Variants in FRMD3 observed in about 807,000 individuals in gnomAD.
FRMD3 encodes FERM domain containing 3, also known as FERM domain-containing protein 3.
FRMD3 carries 33 observed loss-of-function variants against 70.2 expected under a neutral mutation model. The ratio of observed to expected loss-of-function variants is 0.47; its 90% confidence interval spans 0.36 to 0.63. The LOEUF is 0.63. Ranked by LOEUF, FRMD3 falls within the 20% of genes least tolerant of loss-of-function variation. FRMD3 has a pLI of 0.00. For synonymous variants in FRMD3, 279 were observed against 255.9 expected (o/e 1.09, Z -0.86); for missense variants, 632 against 711.4 (o/e 0.89, Z 1.27).
intron 13 of FRMD3, among the ~76,000 whole-genome samples, chr9:83,263,427 A>G (rs1833080655): frequency 1.8e-5 from 2 of 112,066 alleles, no homozygotes; most frequent in South Asian, 9.7e-4. Flanking sequence ...ATCTCCTGAA[A>G]GGAAGGGACT....
At chr9:83,292,227 C>T (rs999885905) in intron 12 of FRMD3, among the ~76,000 whole-genome samples, 10 of 149,848 alleles carry the variant, frequency 6.7e-5, no homozygotes, top group African/African-American at 4.9e-5. Flanking sequence ...GGTGCAATCT[C>T]GGCTCACTGC....
chr9:83,540,643 T>C (rs1829989610), upstream of FRMD3, among the ~76,000 whole-genome samples: 1 of 152,106 alleles, frequency 6.6e-6, no homozygotes, highest in Admixed American at 6.5e-5. Context: ...CAACTGGCCA[T>C]TGTCAACAAT....
intron 8 of FRMD3, among the ~76,000 whole-genome samples, chr9:83,311,121 C>T (rs1835334906): frequency 6.6e-6 from 1 of 152,122 alleles, no homozygotes; most frequent in African/African-American, 2.4e-5. Flanking sequence ...AAGTCTCCTA[C>T]AGGGCTTCTA....
At chr9:83,478,391 C>T (rs1828449761) in intron 1 of FRMD3, among the ~76,000 whole-genome samples, 3 of 152,132 alleles carry the variant, frequency 2.0e-5, no homozygotes, top group Non-Finnish European at 2.9e-5. Flanking sequence ...TCTTGAGACA[C>T]ATAAAATGAT....
At chr9:83,510,711 C>T (rs1323131642) in intron 1 of FRMD3, among the ~76,000 whole-genome samples, 3 of 152,162 alleles carry the variant, frequency 2.0e-5, no homozygotes, top group Admixed American at 2.0e-4. Context: ...CTGATAAACA[C>T]TAAACATGAG....
chr9:83,392,323 G>A (rs747922431), intron 1 of FRMD3, among the ~76,000 whole-genome samples: 3 of 152,028 alleles, frequency 2.0e-5, no homozygotes, highest in African/African-American at 4.8e-5. Context: ...CTGGAAATCC[G>A]AAGTCTGTAA....
chr9:83,335,886 A>G (rs918882561), intron 5 of FRMD3, among the ~76,000 whole-genome samples: 3 of 152,146 alleles, frequency 2.0e-5, no homozygotes, highest in Non-Finnish European at 4.4e-5. Flanking sequence ...ATAATAAAGG[A>G]TTTAAATTAC....
intron 1 of FRMD3, among the ~76,000 whole-genome samples, chr9:83,417,955 A>G (rs925650935): frequency 5.9e-5 from 9 of 152,192 alleles, no homozygotes; most frequent in Non-Finnish European, 1.2e-4. Flanking sequence ...TGCTTCCTAG[A>G]GAAGTTACAT....
At chr9:83,442,807 TC>T (rs1180037251) in intron 1 of FRMD3, among the ~76,000 whole-genome samples, 1 of 152,046 alleles carries the variant, frequency 6.6e-6, no homozygotes, top group Non-Finnish European at 1.5e-5. Context: ...TCCCCTCTCC[TC>T]CCCATCTCAT....
intron 12 of FRMD3, 71 bp from the exon 13 acceptor site, chr9:83,290,798 GC>G: frequency 6.6e-7 from 1 of 1,511,228 alleles, no homozygotes. Context: ...TCAGCGGGCT[GC>G]CCAAGCTACC....
At chr9:83,338,914 G>A (rs908173307) in intron 5 of FRMD3, among the ~76,000 whole-genome samples, 3 of 152,144 alleles carry the variant, frequency 2.0e-5, no homozygotes, top group Admixed American at 1.3e-4. Context: ...ATACACGCTT[G>A]TGCCCCTGTG....
intron 1 of FRMD3, among the ~76,000 whole-genome samples, chr9:83,395,414 G>C (rs1273634414): frequency 6.6e-6 from 1 of 151,950 alleles, no homozygotes; most frequent in Non-Finnish European, 1.5e-5. Flanking sequence ...TTGTTGTACA[G>C]ATTATCTCAT....
Position 83,245,582 on chromosome 9 carries a change from G to T in FRMD3, c.*2336C>A. 1 of 833,500 alleles carries T rather than the reference G, an allele frequency of 1.2e-6. No homozygotes were observed. Among genetic ancestry groups the T allele is most frequent in the Non-Finnish European group, 1.4e-6 (1 of 691,448 alleles). The allele number at this position is 833,500 out of a possible 1,614,324, so 51.6% of individuals were successfully genotyped here. On this transcript the variant is annotated 3_prime_UTR_variant, in exon 14 of 14. Transcript: ENST00000304195. ...TCCTTAAGATAAATCTGCATCGTTG[G>T]ATTACATGTGATATTTATACTATCA...
At chr9:83,394,281 A>G (rs1000310283) in intron 1 of FRMD3, among the ~76,000 whole-genome samples, 2 of 152,134 alleles carry the variant, frequency 1.3e-5, no homozygotes, top group East Asian at 1.9e-4. Flanking sequence ...GCATCTCAAA[A>G]GGCAAATTCT....
intron 1 of FRMD3, among the ~76,000 whole-genome samples, chr9:83,485,409 A>G (rs138119857): frequency 7.2e-4 from 110 of 152,320 alleles, no homozygotes; most frequent in African/African-American, 2.5e-3. Flanking sequence ...TAAACAGTGC[A>G]TCGTTCTTTC....
At chr9:83,291,288 G>T (rs1321727069) in intron 12 of FRMD3, among the ~76,000 whole-genome samples, 2 of 152,296 alleles carry the variant, frequency 1.3e-5, no homozygotes, top group Admixed American at 1.3e-4. Context: ...CTCTGGAAAG[G>T]AGCATGCAGG....
chr9:83,274,905 T>C (rs374447441), intron 13 of FRMD3, among the ~76,000 whole-genome samples: 14 of 152,308 alleles, frequency 9.2e-5, no homozygotes, highest in African/African-American at 1.4e-4. Context: ...ATAGAATTCA[T>C]AGGACTCTGG....
intron 1 of FRMD3, among the ~76,000 whole-genome samples, chr9:83,463,621 T>G (rs548685094): frequency 2.6e-4 from 39 of 152,288 alleles, no homozygotes; most frequent in African/African-American, 9.1e-4. Flanking sequence ...CAATTCAAGA[T>G]GAGATTTGGG....
intron 1 of FRMD3, among the ~76,000 whole-genome samples, chr9:83,450,206 T>TGC (rs958934646): frequency 9.4e-6 from 1 of 105,994 alleles, no homozygotes; most frequent in South Asian, 3.3e-4. Context: ...TGTGCACCCG[T>TGC]GCGCGCACAC....
Sources: allele counts gnomAD v4.1 joint callset (sites outside exome capture counted in the v4.1 genomes callset), GRCh38; gene constraint gnomAD v4.1.1; transcripts MANE v1.5; gene names NCBI Gene and HGNC (gene_info 2026-07-23, HGNC 2026-07-21).